The following UTRN variants were observed in gnomAD, a reference collection of about 807,000 sequenced individuals.
UTRN encodes dystrophin-related protein 1.
In UTRN, 283 loss-of-function variants were observed where a neutral mutation model predicts 463.9. The ratio of observed to expected loss-of-function variants is 0.61; its 90% CI spans 0.55 to 0.67. The LOEUF is 0.67. Among genes scored for constraint, UTRN ranks in the 30% least tolerant of loss-of-function variants. The pLI is 0.00. For synonymous variants in UTRN, 1,442 were observed against 1,431.5 expected, an observed-to-expected ratio of 1.01 and a Z score of -0.17; for missense variants, 3,922 against 4,084.3, an observed-to-expected ratio of 0.96 and a Z score of 1.08.
chr6:144,638,901 C>T (rs542561361), intron 51 of UTRN, among the ~76,000 whole-genome samples: 16 of 151,976 alleles, frequency 1.1e-4, no homozygotes, highest in Admixed American at 4.6e-4. Flanking sequence ...AACGAGACCC[C>T]GATCTCTAAG....
chr6:144,793,979 C>A lies in UTRN; in HGVS notation c.9066C>A (p.Ser3022Arg). ...GGSNIEPSVR[S>R]CFQQNNNKPE... ...GTAATATTGAGCCTAGTGTTCGCAG[C>A]TGCTTCCAACAGGTAAGCATGAAGG... Residue 3022 changes from serine (S) to arginine (R), a missense_variant, in exon 63 of 75, where the codon AGC becomes AGA. This residue lies in a region of UTRN where 1,309 missense variants were observed against 1,452.6 expected (regional missense o/e 0.90). Transcript: ENST00000367545. 1 of 1,613,892 alleles carries A rather than the reference C, an allele frequency of 6.2e-7. No homozygotes were observed. The highest frequency in any genetic ancestry group is 8.5e-7 in the Non-Finnish European group (1 of 1,179,888).
chr6:144,448,157 CA>C (rs1368391975), intron 16 of UTRN, among the ~76,000 whole-genome samples: 1 of 152,114 alleles, frequency 6.6e-6, no homozygotes, highest in Admixed American at 6.5e-5. Context: ...AATATCCATA[CA>C]CAGATGAATG....
chr6:144,811,788 A>G (rs1422270999), intron 65 of UTRN, among the ~76,000 whole-genome samples: 1 of 152,076 alleles, frequency 6.6e-6, no homozygotes, highest in Non-Finnish European at 1.5e-5. Context: ...TCTTGTGATA[A>G]TGAAATGTAC....
At chr6:144,732,246 A>G (rs1411776831) in intron 54 of UTRN, among the ~76,000 whole-genome samples, 2 of 109,676 alleles carry the variant, frequency 1.8e-5, no homozygotes, top group African/African-American at 1.1e-4. Flanking sequence ...ATACATATAT[A>G]TATATATATA....
chr6:144,679,135 C>T (rs2128684002), intron 52 of UTRN, among the ~76,000 whole-genome samples: 1 of 152,094 alleles, frequency 6.6e-6, no homozygotes, highest in Non-Finnish European at 1.5e-5. Flanking sequence ...TTAAATATCT[C>T]TTATGGACAC....
intron 52 of UTRN, among the ~76,000 whole-genome samples, chr6:144,690,942 G>C (rs1387991665): frequency 6.6e-6 from 1 of 152,134 alleles, no homozygotes; most frequent in Non-Finnish European, 1.5e-5. Context: ...GTGTCTGTCA[G>C]TTTTCTTGTT....
At chr6:144,771,809 T>A in intron 58 of UTRN, 98 bp from the exon 59 acceptor site, 2 of 977,988 alleles carry the variant, frequency 2.0e-6, no homozygotes, top group Non-Finnish European at 2.9e-6. Context: ...TTTTTAAAAA[T>A]TTGAAAAAAA....
rs141004724 is a variant in UTRN, at chr6:144,757,958, A to C, written c.8464A>C (p.Ile2822Leu). Residue 2822 changes from isoleucine (I) to leucine (L), a missense_variant, in exon 58 of 75, where the codon ATT becomes CTT. Coordinates refer to ENST00000367545, the MANE Select transcript of UTRN (RefSeq NM_007124.3). ...AGTCCAGCTGCCGTGGCAAAGATCCATTTCACATAATAAAGTGCCCTATTA... is the reference window on the plus strand; with the variant it reads ...AGTCCAGCTGCCGTGGCAAAGATCCCTTTCACATAATAAAGTGCCCTATTA... The part of the protein sequence containing the change: ...TSVQLPWQRS[I>L]SHNKVPYYIN... The C allele has an allele frequency of 6.2e-7, 1 of 1,611,150 alleles. No individual in the cohort carries two copies. Among genetic ancestry groups the C allele is most frequent in the Non-Finnish European group, 8.5e-7 (1 of 1,178,406 alleles).
chr6:144,846,617 C>T (rs565192326), intron 73 of UTRN, among the ~76,000 whole-genome samples, 188 bp from the exon 74 acceptor site: 80 of 151,982 alleles, frequency 5.3e-4, no homozygotes, highest in African/African-American at 1.7e-3. Flanking sequence ...GAAAACTAGC[C>T]CTCATTGAAG....
intron 51 of UTRN, among the ~76,000 whole-genome samples, chr6:144,618,685 A>T (rs1409521977): frequency 2.0e-5 from 3 of 152,110 alleles, no homozygotes; most frequent in Non-Finnish European, 2.9e-5. Context: ...TGTGCCTACT[A>T]TGTACTTGGC....
chr6:144,410,808 GTGTGTGTGTGTGTA>G (rs1002197451), intron 3 of UTRN, among the ~76,000 whole-genome samples: 2 of 131,150 alleles, frequency 1.5e-5, no homozygotes, highest in African/African-American at 6.1e-5. Context: ...GTGTGTGTGT[GTGTGTGTGTGTGTA>G]TATACACACC....
chr6:144,555,576 G>A (rs1310789395), intron 49 of UTRN, among the ~76,000 whole-genome samples: 1 of 152,118 alleles, frequency 6.6e-6, no homozygotes, highest in Admixed American at 6.5e-5. Context: ...GATGACAGGC[G>A]TGCACCACCA....
intron 57 of UTRN, among the ~76,000 whole-genome samples, chr6:144,756,854 T>G (rs1344223672): frequency 1.3e-5 from 2 of 152,102 alleles, no homozygotes; most frequent in Non-Finnish European, 2.9e-5. Flanking sequence ...TGGCTGTCAC[T>G]CTTTGGGCAA....
intron 48 of UTRN, among the ~76,000 whole-genome samples, chr6:144,552,043 T>C (rs1798967190): frequency 6.6e-6 from 1 of 152,190 alleles, no homozygotes; most frequent in African/African-American, 2.4e-5. Context: ...ATTGTCTCTC[T>C]CTTCCATAGA....
Position 144,437,545 on chromosome 6 carries a change from A to G in UTRN, c.1060-20A>G. On this transcript the variant is annotated intron_variant, in intron 10 of 74. Coordinates refer to ENST00000367545, the MANE Select transcript of UTRN (RefSeq NM_007124.3). ...TTTTGCACTGAGTAGCTCACAAATT[A>G]TAACAATGTCCCTTTCTAGGCTTTT... 6.4e-7 allele frequency: 1 copy of G among 1,573,602 alleles called. No homozygotes were observed. Among genetic ancestry groups the G allele is most frequent in the Non-Finnish European group, 8.6e-7 (1 of 1,164,056 alleles).
At chr6:144,669,154 G>A (rs932287342) in intron 51 of UTRN, among the ~76,000 whole-genome samples, 38 of 152,102 alleles carry the variant, frequency 2.5e-4, no homozygotes, top group African/African-American at 8.9e-4. Flanking sequence ...AACTAATATG[G>A]ATAGTTATGC....
intron 51 of UTRN, among the ~76,000 whole-genome samples, chr6:144,609,656 T>C (rs1330179498): frequency 6.6e-6 from 1 of 152,042 alleles, no homozygotes; most frequent in Non-Finnish European, 1.5e-5. Context: ...TAAAATAATC[T>C]CCAGAATAGA....
chr6:144,375,795 C>A (rs1780403176), intron 2 of UTRN, among the ~76,000 whole-genome samples: 1 of 152,082 alleles, frequency 6.6e-6, no homozygotes, highest in African/African-American at 2.4e-5. Flanking sequence ...CCATTGAAGG[C>A]CTTAGATGTT....
chr6:144,589,988 A>C (rs1342826047), intron 51 of UTRN, among the ~76,000 whole-genome samples: 1 of 151,812 alleles, frequency 6.6e-6, no homozygotes, highest in Non-Finnish European at 1.5e-5. Flanking sequence ...AGTAGCTGGG[A>C]TCACAGCTAC....
Sources: gnomAD v4.1 joint callset for allele counts (sites outside exome capture counted in the v4.1 genomes callset) on GRCh38, gnomAD v4.1.1 for gene constraint, gnomAD v4.1.1 regional missense constraint, MANE v1.5 for transcripts, NCBI Gene and HGNC (gene_info 2026-07-23, HGNC 2026-07-21) for gene names.